The following TASP1 variants were observed in gnomAD, a reference collection of about 807,000 sequenced individuals.
TASP1 encodes the protein threonine aspartase 1.
In TASP1, 16 loss-of-function variants were observed where a neutral mutation model predicts 56.6. The observed-to-expected ratio is 0.28, with a 90% CI of 0.19 to 0.43. The LOEUF is 0.43. Among genes scored for constraint, TASP1 ranks in the 20% least tolerant of loss-of-function variants. TASP1 has a pLI of 1.00. For synonymous variants in TASP1, 179 were observed against 184.2 expected, an observed-to-expected ratio of 0.97 and a Z score of 0.23; for missense variants, 393 against 511.6, an observed-to-expected ratio of 0.77 and a Z score of 2.24.
At chr20:13,229,673 T>C in the TASP1 span, among the ~76,000 whole-genome samples, 1 of 152,192 alleles carries the variant, frequency 6.6e-6, no homozygotes, top group East Asian at 1.9e-4. Flanking sequence ...TTCTTGTGAG[T>C]AAATTTCTAG....
chr20:13,363,734 A>G, the TASP1 span, among the ~76,000 whole-genome samples: 2 of 152,240 alleles, frequency 1.3e-5, no homozygotes, highest in African/African-American at 4.8e-5. Flanking sequence ...ATTGAGTTAA[A>G]TTACAGGACA....
At chr20:13,237,875 G>A in the TASP1 span, 1 of 152,142 alleles carries the variant, frequency 6.6e-6, no homozygotes, top group African/African-American at 2.4e-5. Flanking sequence ...AATGAATGCA[G>A]GCTGGTTTCA....
the TASP1 span, among the ~76,000 whole-genome samples, chr20:13,120,049 A>G: frequency 6.6e-6 from 1 of 152,210 alleles, no homozygotes; most frequent in Non-Finnish European, 1.5e-5. Flanking sequence ...CAAGTCAAAC[A>G]TATATTTTAT....
chr20:13,332,250 G>A, the TASP1 span, among the ~76,000 whole-genome samples: 161 of 152,268 alleles, frequency 1.1e-3, no homozygotes, highest in African/African-American at 3.8e-3. Flanking sequence ...GTGGGGCCCA[G>A]TGCAAAATGA....
At chr20:13,221,693 C>T in the TASP1 span, 6 of 1,183,136 alleles carry the variant, frequency 5.1e-6, no homozygotes, top group South Asian at 2.9e-5. Flanking sequence ...GCCGGGCTCC[C>T]GGGCTCCTAC....
chr20:13,357,605 A>G, the TASP1 span, among the ~76,000 whole-genome samples: 1 of 152,226 alleles, frequency 6.6e-6, no homozygotes, highest in African/African-American at 2.4e-5. Context: ...ATAGTCTTAT[A>G]TACACGTAAA....
the TASP1 span, among the ~76,000 whole-genome samples, chr20:13,158,844 T>C: frequency 3.3e-5 from 5 of 152,226 alleles, no homozygotes; most frequent in Non-Finnish European, 5.9e-5. Context: ...AACAAGTGAA[T>C]GGAAGAGCAG....
the TASP1 span, among the ~76,000 whole-genome samples, chr20:13,206,801 A>T: frequency 6.6e-6 from 1 of 152,158 alleles, no homozygotes; most frequent in East Asian, 1.9e-4. Flanking sequence ...CGGCCATATG[A>T]CCCCACCGGG....
At chr20:13,363,522 A>T in the TASP1 span, among the ~76,000 whole-genome samples, 5 of 152,170 alleles carry the variant, frequency 3.3e-5, no homozygotes, top group Admixed American at 3.3e-4. Flanking sequence ...GAGTTCTGTG[A>T]CTCTAGCAAA....
At chr20:13,316,852 G>A in the TASP1 span, among the ~76,000 whole-genome samples, 1 of 151,734 alleles carries the variant, frequency 6.6e-6, no homozygotes, top group Non-Finnish European at 1.5e-5. Flanking sequence ...GAAACTCAAA[G>A]CTTTCCCACT....
intron 4 of TASP1, among the ~76,000 whole-genome samples, chr20:13,596,371 T>TA (rs35818842): frequency 3.3e-3 from 464 of 138,666 alleles, no homozygotes; most frequent in African/African-American, 8.1e-3. Context: ...GTGAAACTCG[T>TA]AAAAAAAAAA....
the TASP1 span, among the ~76,000 whole-genome samples, chr20:13,125,351 T>C: frequency 6.6e-6 from 1 of 152,124 alleles, no homozygotes; most frequent in Non-Finnish European, 1.5e-5. Flanking sequence ...TTCCAATAGT[T>C]CTCTGCTGCC....
At chr20:13,569,666 G>T in intron 6 of TASP1, 80 bp from the exon 7 acceptor site, 1 of 1,245,458 alleles carries the variant, frequency 8.0e-7, no homozygotes, top group Admixed American at 2.0e-5. Context: ...AATATGGTAA[G>T]GCAGTTGAGA....
chr20:13,205,938 ATTTACCC>A, the TASP1 span, among the ~76,000 whole-genome samples: 1 of 152,140 alleles, frequency 6.6e-6, no homozygotes, highest in Non-Finnish European at 1.5e-5. Context: ...AAATCAGAGT[ATTTACCC>A]TCTCCTCCTG....
intron 10 of TASP1, among the ~76,000 whole-genome samples, chr20:13,511,119 A>G (rs1217495388): frequency 6.6e-6 from 1 of 152,270 alleles, no homozygotes; most frequent in South Asian, 2.1e-4. Context: ...GCCAATCAAC[A>G]AAACATTGAC....
chr20:13,322,399 C>T, the TASP1 span, among the ~76,000 whole-genome samples: 7 of 152,170 alleles, frequency 4.6e-5, no homozygotes, highest in Admixed American at 1.3e-4. Context: ...GACTGTATTT[C>T]TCTCTCCAAC....
At chr20:13,350,231 AAAG>A in the TASP1 span, among the ~76,000 whole-genome samples, 1 of 152,326 alleles carries the variant, frequency 6.6e-6, no homozygotes, top group East Asian at 1.9e-4. Context: ...CTAATGAAAG[AAAG>A]AAGATCTAAA....
chr20:13,277,588 A>G, the TASP1 span, among the ~76,000 whole-genome samples: 5 of 151,658 alleles, frequency 3.3e-5, no homozygotes, highest in Non-Finnish European at 7.4e-5. Flanking sequence ...CATTCCAGCA[A>G]ATAGCAATGA....
rs568939596 is a variant in TASP1 at position 13,623,321 on chromosome 20, T to C, written c.282+125A>G. 9 of 658,386 alleles carry C rather than the reference T, an allele frequency of 1.4e-5. No individual in the cohort carries two copies. In the East Asian group the frequency reaches 2.3e-4, roughly 17 times the overall value. The allele number at this position is 658,386 out of a possible 1,614,324, so 40.8% of individuals were successfully genotyped here. A position where few individuals can be genotyped will look rare whatever the true frequency, so the allele number is the denominator to read the frequency against. On this transcript the variant is annotated intron_variant, in intron 4 of 13. Transcript: ENST00000337743. The stretch of plus-strand genomic sequence containing the variant: ...AATATCATAGGCTTCTTCATAACTT[T>C]GCTAATATTGGTGGGAAACACTGCT...
Sources: allele counts gnomAD v4.1 joint callset (sites outside exome capture counted in the v4.1 genomes callset), GRCh38; gene constraint gnomAD v4.1.1; transcripts MANE v1.5; gene names NCBI Gene and HGNC (gene_info 2026-07-23, HGNC 2026-07-21).